The following CBFB variants were observed in gnomAD, a reference collection of about 807,000 sequenced individuals.
CBFB encodes CBF-beta.
Under a neutral mutation model 30.4 loss-of-function variants are expected in CBFB, and 9 were observed. The ratio of observed to expected loss-of-function variants is 0.30; its 90% CI spans 0.18 to 0.52. CBFB has a LOEUF of 0.52. CBFB is among the 20% of genes least tolerant of loss of function. The pLI is 0.97. For missense variants in CBFB, 170 were observed against 244.0 expected, an observed-to-expected ratio of 0.70 and a Z score of 2.02; for synonymous variants, 94 against 84.0, an observed-to-expected ratio of 1.12 and a Z score of -0.65.
chr16:67,075,789 A>C (rs1408425284), intron 4 of CBFB, among the ~76,000 whole-genome samples: 1 of 152,208 alleles, frequency 6.6e-6, no homozygotes, highest in Non-Finnish European at 1.5e-5. Context: ...ACTAACACCA[A>C]TATGTGTGAG....
Position 67,076,940 on chromosome 16 carries a change from C to T in CBFB, c.400-5273C>T, listed in dbSNP as rs974960559. Among the ~76,000 whole-genome samples, 9 of 151,252 alleles carry T rather than the reference C, an allele frequency of 6.0e-5. No individual in the cohort carries two copies. The South Asian group carries it at 1.9e-3, about 31-fold the overall frequency. ...TTTCATTGTCAGCTTTGTCAAAATT[C>T]TGCAGTTCAGTTACTTTAACTATGG... On this transcript the variant is annotated intron_variant, in intron 4 of 5. Coordinates refer to ENST00000412916, the MANE Select transcript of CBFB (RefSeq NM_022845.3).
intron 3 of CBFB, among the ~76,000 whole-genome samples, chr16:67,053,147 A>G (rs1960608066): frequency 6.6e-6 from 1 of 151,404 alleles, no homozygotes; most frequent in South Asian, 2.1e-4. Flanking sequence ...TCCTGTGCAT[A>G]TATCTCTAAA....
At chr16:67,075,544 A>G (rs1363023676) in intron 4 of CBFB, among the ~76,000 whole-genome samples, 3 of 151,858 alleles carry the variant, frequency 2.0e-5, no homozygotes, top group Non-Finnish European at 4.4e-5. Flanking sequence ...CAAGCTGCGC[A>G]TGCATATATG....
intron 5 of CBFB, among the ~76,000 whole-genome samples, chr16:67,096,874 G>A (rs185317705): frequency 3.0e-4 from 46 of 150,892 alleles, no homozygotes; most frequent in African/African-American, 9.3e-4. Context: ...CTCGGGAGGC[G>A]GAGCTTGCGG....
chr16:67,082,163 AT>A (rs527652336), intron 4 of CBFB, 49 bp from the exon 5 acceptor site: 99 of 1,314,316 alleles, frequency 7.5e-5, no homozygotes, highest in South Asian at 1.5e-4. Flanking sequence ...CAAATATTGT[AT>A]TTTTTTTATA....
At chr16:67,097,418 G>T (rs1962082354) in intron 5 of CBFB, among the ~76,000 whole-genome samples, 1 of 152,022 alleles carries the variant, frequency 6.6e-6, no homozygotes, top group Non-Finnish European at 1.5e-5. Flanking sequence ...GGTGGCACAT[G>T]CCTGTAATCC....
rs368999995 is a variant in CBFB at position 67,033,769 on chromosome 16, A to G, written c.166-2870A>G. ...TGGGACTACAGTCGCCTGCCACCAC[A>G]CCCGGCTAATTTGTTTTTGTATTTT... is the stretch of plus-strand genomic sequence containing the variant. On this transcript the variant is annotated intron_variant, in intron 2 of 5. Transcript: ENST00000412916. 2.3e-5 allele frequency among the ~76,000 whole-genome samples: 3 copies of G among 131,032 alleles called. No homozygotes were observed. The East Asian group carries it at 6.6e-4, about 29-fold the overall frequency. The allele number at this position is 131,032 out of a possible 152,430, so 86.0% of individuals were successfully genotyped here.
chr16:67,076,145 G>A (rs1370776555), intron 4 of CBFB, among the ~76,000 whole-genome samples: 1 of 152,088 alleles, frequency 6.6e-6, no homozygotes, highest in South Asian at 2.1e-4. Context: ...CAGGAGAATC[G>A]CTTGGACCCG....
chr16:67,035,582 G>A (rs555858920), intron 2 of CBFB, among the ~76,000 whole-genome samples: 259 of 152,310 alleles, frequency 1.7e-3, no homozygotes, highest in Non-Finnish European at 2.3e-3. Context: ...TACCTCTAAA[G>A]AATCTAAGCT....
At chr16:67,081,061 T>A (rs1961540635) in intron 4 of CBFB, among the ~76,000 whole-genome samples, 1 of 151,972 alleles carries the variant, frequency 6.6e-6, no homozygotes, top group East Asian at 1.9e-4. Flanking sequence ...TGTGACATGC[T>A]GGTGCGCTGC....
chr16:67,063,193 A>C (rs573393153), intron 3 of CBFB, among the ~76,000 whole-genome samples: 2 of 152,346 alleles, frequency 1.3e-5, no homozygotes, highest in South Asian at 4.1e-4. Context: ...TTTTAAATGC[A>C]CAGTGTGGAA....
At chr16:67,035,536 G>C (rs1343751684) in intron 2 of CBFB, among the ~76,000 whole-genome samples, 1 of 152,158 alleles carries the variant, frequency 6.6e-6, no homozygotes. Context: ...CAAGTGTACC[G>C]ACAGTGCCAG....
chr16:67,098,033 T>G (rs1962106099), intron 5 of CBFB, among the ~76,000 whole-genome samples: 1 of 152,262 alleles, frequency 6.6e-6, no homozygotes, highest in East Asian at 1.9e-4. Flanking sequence ...AAGGAAGAGT[T>G]TGCTTCTAAG....
At chr16:67,050,785 C>T (rs538563145) in intron 3 of CBFB, among the ~76,000 whole-genome samples, 5 of 152,096 alleles carry the variant, frequency 3.3e-5, no homozygotes, top group Admixed American at 1.3e-4. Context: ...AGAGCAAAAC[C>T]CTGTCTCCAA....
intron 5 of CBFB, among the ~76,000 whole-genome samples, chr16:67,096,958 A>T (rs1159851859): frequency 6.6e-6 from 1 of 151,368 alleles, no homozygotes; most frequent in African/African-American, 2.4e-5. Flanking sequence ...TCTGAGTCGT[A>T]CATGGTGGCT....
intron 5 of CBFB, among the ~76,000 whole-genome samples, chr16:67,084,801 G>T (rs1961674040): frequency 6.6e-6 from 1 of 151,902 alleles, no homozygotes; most frequent in Non-Finnish European, 1.5e-5. Flanking sequence ...GCAGACAGTG[G>T]CTAAGAGCCC....
intron 4 of CBFB, among the ~76,000 whole-genome samples, chr16:67,067,851 G>T (rs926200310): frequency 6.6e-6 from 1 of 152,248 alleles, no homozygotes; most frequent in Non-Finnish European, 1.5e-5. Context: ...AGACCAGCCA[G>T]AAATTTATCA....
intron 4 of CBFB, among the ~76,000 whole-genome samples, chr16:67,071,616 A>G (rs1961223755): frequency 6.6e-6 from 1 of 152,206 alleles, no homozygotes; most frequent in South Asian, 2.1e-4. Flanking sequence ...TCAGATGACT[A>G]AAACACTAGC....
At chr16:67,053,697 C>T (rs1331290839) in intron 3 of CBFB, among the ~76,000 whole-genome samples, 1 of 151,924 alleles carries the variant, frequency 6.6e-6, no homozygotes, top group African/African-American at 2.4e-5. Flanking sequence ...TTATGGGAAA[C>T]CTAGGGCTCA....
Sources: gnomAD v4.1 joint callset for allele counts (sites outside exome capture counted in the v4.1 genomes callset) on GRCh38, gnomAD v4.1.1 for gene constraint, MANE v1.5 for transcripts, NCBI Gene and HGNC (gene_info 2026-07-23, HGNC 2026-07-21) for gene names.